Variants in MYO1E observed in about 807,000 individuals in gnomAD.
MYO1E encodes the protein myosin IE.
MYO1E carries 68 observed loss-of-function variants against 151.1 expected under a neutral mutation model. The observed-to-expected ratio is 0.45, with a 90% CI of 0.37 to 0.55. The LOEUF (loss-of-function observed/expected upper bound fraction) is 0.55. MYO1E is among the 20% of genes least tolerant of loss of function. MYO1E has a pLI of 0.00. For synonymous variants in MYO1E, 601 were observed against 501.7 expected, an observed-to-expected ratio of 1.20 and a Z score of -2.64; for missense variants, 1,363 against 1,389.3, an observed-to-expected ratio of 0.98 and a Z score of 0.30.
At chr15:59,371,775 G>A (rs2080946414) in intron 1 of MYO1E, among the ~76,000 whole-genome samples, 1 of 152,016 alleles carries the variant, frequency 6.6e-6, no homozygotes, top group Non-Finnish European at 1.5e-5. Context: ...GTGTTTACTT[G>A]GCGTCCGGGG....
intron 8 of MYO1E, among the ~76,000 whole-genome samples, chr15:59,223,814 C>T (rs1414769455): frequency 6.6e-6 from 1 of 152,180 alleles, no homozygotes; most frequent in Non-Finnish European, 1.5e-5. Context: ...TTAAGAGAAA[C>T]ATCTCCTAAG....
At position 59,166,992 on chromosome 15, in the gene MYO1E, G is replaced by A. The variant is rs150821178; in HGVS notation, c.2481-3689C>T. Among the ~76,000 whole-genome samples, 8 of 152,202 alleles carry A rather than the reference G, an allele frequency of 5.3e-5. No homozygotes were observed. In the East Asian group the frequency reaches 1.4e-3, roughly 26 times the overall value. ...CAGTGACTGTGCCTCATCCACCTTC[G>A]AATACCAGGGCTCAGCACCAGGTAG... On this transcript the variant is annotated intron_variant, in intron 22 of 27. Coordinates refer to ENST00000288235, the MANE Select transcript of MYO1E (RefSeq NM_004998.4).
chr15:59,296,760 G>C (rs1055404169), intron 1 of MYO1E, among the ~76,000 whole-genome samples: 1 of 151,812 alleles, frequency 6.6e-6, no homozygotes, highest in Non-Finnish European at 1.5e-5. Context: ...GGACAATGAA[G>C]GTAGGGCTGT....
At chr15:59,250,787 C>T (rs895564998) in intron 4 of MYO1E, among the ~76,000 whole-genome samples, 7 of 152,262 alleles carry the variant, frequency 4.6e-5, no homozygotes, top group Middle Eastern at 3.4e-3. Flanking sequence ...AAGCACATCT[C>T]CTAAATGAAA....
At chr15:59,330,758 T>A (rs2080693374) in intron 1 of MYO1E, among the ~76,000 whole-genome samples, 1 of 152,158 alleles carries the variant, frequency 6.6e-6, no homozygotes, top group Non-Finnish European at 1.5e-5. Context: ...TGATTATTTT[T>A]AATTTTTATT....
intron 4 of MYO1E, among the ~76,000 whole-genome samples, chr15:59,243,395 G>A (rs114010964): frequency 6.6e-6 from 1 of 152,146 alleles, no homozygotes; most frequent in Non-Finnish European, 1.5e-5. Flanking sequence ...ACTGTTATAA[G>A]TGCTTTACAT....
chr15:59,231,856 C>T (rs1454671378), intron 5 of MYO1E, 65 bp from the exon 6 acceptor site: 2 of 1,567,900 alleles, frequency 1.3e-6, no homozygotes, highest in Non-Finnish European at 1.8e-6. Context: ...GTACGCCAAA[C>T]TTTCTCTAAG....
In MYO1E at chr15:59,208,789, AC is replaced by A; in HGVS notation, c.1421del (p.Gly474ValfsTer69). 2 of 1,614,042 alleles carry A rather than the reference AC, an allele frequency of 1.2e-6. No homozygotes were observed. Among genetic ancestry groups the A allele is most frequent in the Non-Finnish European group, 1.7e-6 (2 of 1,180,006 alleles). ...GGAGCAGCGTCTGATCTGCCCCCTC[AC>A]CCACCGCATGCATCGTGGCGCACAC... ...DDVCATMHAV[G>X]EGADQTLLQK... On this transcript the variant is annotated frameshift_variant, in exon 14 of 28. Coordinates refer to ENST00000288235, the MANE Select transcript of MYO1E (RefSeq NM_004998.4). LOFTEE classifies it high-confidence loss of function.
At chr15:59,224,889 T>C (rs903341472) in intron 7 of MYO1E, 66 bp from the exon 8 acceptor site, 7 of 1,606,300 alleles carry the variant, frequency 4.4e-6, no homozygotes, top group Non-Finnish European at 6.0e-6. Flanking sequence ...CACTCCTGCA[T>C]CCTGCAGCCA....
intron 14 of MYO1E, chr15:59,206,869 T>G: frequency 6.8e-7 from 1 of 1,480,824 alleles, no homozygotes; most frequent in African/African-American, 1.4e-5. Flanking sequence ...TGCCAACGGC[T>G]CTCTTGGCGT....
chr15:59,213,837 T>C (rs2079896590), intron 12 of MYO1E, among the ~76,000 whole-genome samples: 1 of 152,188 alleles, frequency 6.6e-6, no homozygotes, highest in Non-Finnish European at 1.5e-5. Context: ...TTGTTAAAAA[T>C]GCACGTATTG....
At chr15:59,279,664 C>T (rs987801242) in intron 1 of MYO1E, among the ~76,000 whole-genome samples, 2 of 152,160 alleles carry the variant, frequency 1.3e-5, no homozygotes, top group Non-Finnish European at 2.9e-5. Context: ...ACCCCCAATC[C>T]TTTTAGGGGT....
Position 59,219,502 on chromosome 15 carries a change from C to A in MYO1E, c.911-1415G>T, listed in dbSNP as rs751454113. On this transcript the variant is annotated intron_variant, in intron 9 of 27. Transcript: ENST00000288235. ...TTTCACAGATGGTGTTAGAATATAA[C>A]GGGCTGACATTTCTCAGTATACACC... 8.5e-5 allele frequency among the ~76,000 whole-genome samples: 13 copies of A among 152,152 alleles called. 1 individual carries two copies. Among genetic ancestry groups the A allele is most frequent in the Non-Finnish European group, 1.9e-4 (13 of 68,014 alleles).
At chr15:59,342,812 C>A (rs2080773319) in intron 1 of MYO1E, among the ~76,000 whole-genome samples, 1 of 152,050 alleles carries the variant, frequency 6.6e-6, no homozygotes, top group Non-Finnish European at 1.5e-5. Context: ...TACCATGAGG[C>A]TTGCAAATAA....
At chr15:59,138,785 TTACC>T (rs1489429886) in intron 26 of MYO1E, among the ~76,000 whole-genome samples, 2 of 152,154 alleles carry the variant, frequency 1.3e-5, no homozygotes, top group Non-Finnish European at 2.9e-5. Context: ...TCCCCCCAGA[TTACC>T]ACCACCTTAC....
intron 26 of MYO1E, among the ~76,000 whole-genome samples, chr15:59,142,155 G>C (rs1219705347): frequency 6.6e-6 from 1 of 152,100 alleles, no homozygotes; most frequent in African/African-American, 2.4e-5. Flanking sequence ...CACTACAGAG[G>C]CATCTATCCA....
chr15:59,188,619 C>CA (rs1480184647), intron 17 of MYO1E, among the ~76,000 whole-genome samples: 1 of 152,116 alleles, frequency 6.6e-6, no homozygotes, highest in Non-Finnish European at 1.5e-5. Flanking sequence ...TCGCTTGAAC[C>CA]AGGGAGGCAG....
intron 21 of MYO1E, among the ~76,000 whole-genome samples, chr15:59,173,033 A>G (rs2079604811): frequency 6.6e-6 from 1 of 152,234 alleles, no homozygotes; most frequent in South Asian, 2.1e-4. Context: ...GAGCTTCTGA[A>G]GCTTCAGATT....
At chr15:59,138,897 G>A (rs2079390293) in intron 26 of MYO1E, among the ~76,000 whole-genome samples, 1 of 152,094 alleles carries the variant, frequency 6.6e-6, no homozygotes, top group Admixed American at 6.6e-5. Context: ...CTGTATGAAA[G>A]GAATCATATT....
Sources: allele counts gnomAD v4.1 joint callset (sites outside exome capture counted in the v4.1 genomes callset), GRCh38; gene constraint gnomAD v4.1.1; transcripts MANE v1.5; gene names NCBI Gene and HGNC (gene_info 2026-07-23, HGNC 2026-07-21).